TAFA1: variants seen among roughly 807,000 people sequenced by gnomAD.
The protein encoded by TAFA1 is TAFA chemokine like family member 1.
In TAFA1, 4 loss-of-function variants were observed where a neutral mutation model predicts 18.5. The ratio of observed to expected loss-of-function variants is 0.22; its 90% CI spans 0.11 to 0.49. The LOEUF is 0.49. Among genes scored for constraint, TAFA1 ranks in the 20% least tolerant of loss-of-function variants. The pLI is 0.98. For missense variants in TAFA1, 147 were observed against 169.0 expected (o/e 0.87, Z 0.72); for synonymous variants, 56 against 55.2 (o/e 1.01, Z -0.06).
chr3:68,197,393 G>T (rs981321114), intron 2 of TAFA1, among the ~76,000 whole-genome samples: 1 of 151,590 alleles, frequency 6.6e-6, no homozygotes. Flanking sequence ...GTATCTTTTA[G>T]AATTACTTGA....
intron 2 of TAFA1, among the ~76,000 whole-genome samples, chr3:68,151,489 C>T (rs1284626743): frequency 6.6e-6 from 1 of 152,112 alleles, no homozygotes; most frequent in Non-Finnish European, 1.5e-5. Flanking sequence ...ATTTCTTGCT[C>T]ACAGTTCTGG....
chr3:68,469,393 G>A (rs1392418828), intron 3 of TAFA1, among the ~76,000 whole-genome samples: 1 of 152,072 alleles, frequency 6.6e-6, no homozygotes, highest in Admixed American at 6.6e-5. Context: ...AGTCAGAGAG[G>A]GCCGGGCGCA....
chr3:68,424,044 G>T (rs1435260980), intron 3 of TAFA1, among the ~76,000 whole-genome samples: 2 of 152,028 alleles, frequency 1.3e-5, no homozygotes, highest in Non-Finnish European at 2.9e-5. Context: ...TTTCACGGCA[G>T]TGAAAACCCA....
intron 2 of TAFA1, among the ~76,000 whole-genome samples, chr3:68,171,479 A>T (rs1231377650): frequency 6.6e-6 from 1 of 152,200 alleles, no homozygotes; most frequent in Non-Finnish European, 1.5e-5. Flanking sequence ...ACAGCAATAG[A>T]AATGTAATAA....
intron 2 of TAFA1, among the ~76,000 whole-genome samples, chr3:68,114,809 C>G (rs2065306470): frequency 6.6e-6 from 1 of 152,028 alleles, no homozygotes; most frequent in South Asian, 2.1e-4. Context: ...CTTAAATGTC[C>G]ATCAATTGTA....
chr3:68,186,059 T>C (rs2066266615), intron 2 of TAFA1, among the ~76,000 whole-genome samples: 1 of 152,088 alleles, frequency 6.6e-6, no homozygotes, highest in Non-Finnish European at 1.5e-5. Context: ...TCCTCCACCC[T>C]ACTAGCAACA....
At chr3:68,085,588 T>A (rs923708157) in intron 2 of TAFA1, among the ~76,000 whole-genome samples, 9 of 152,208 alleles carry the variant, frequency 5.9e-5, no homozygotes, top group African/African-American at 1.9e-4. Flanking sequence ...TCACTCCTGA[T>A]CTTCATAAGA....
At chr3:68,315,142 G>T (rs1160618480) in intron 2 of TAFA1, among the ~76,000 whole-genome samples, 1 of 152,110 alleles carries the variant, frequency 6.6e-6, no homozygotes, top group East Asian at 1.9e-4. Context: ...CTTCCTGGAA[G>T]AGAGAATGCC....
chr3:68,370,472 GTATATATATATA>G (rs749877780), intron 2 of TAFA1, among the ~76,000 whole-genome samples: 55 of 33,024 alleles, frequency 1.7e-3, no homozygotes, highest in African/African-American at 5.0e-3. Flanking sequence ...GTGTGTGTGT[GTATATATATATA>G]TATATATATA....
At chr3:68,381,614 T>C (rs903745104) in intron 2 of TAFA1, among the ~76,000 whole-genome samples, 1 of 152,220 alleles carries the variant, frequency 6.6e-6, no homozygotes, top group Non-Finnish European at 1.5e-5. Context: ...TTTTGTACAT[T>C]GATTTTGTAT....
chr3:68,024,011 G>T (rs558884584), intron 2 of TAFA1, among the ~76,000 whole-genome samples: 1 of 152,188 alleles, frequency 6.6e-6, no homozygotes, highest in East Asian at 1.9e-4. Context: ...GTTTTAAGAA[G>T]AATTGCCACC....
chr3:68,285,631 G>T (rs1177438630), intron 2 of TAFA1, among the ~76,000 whole-genome samples: 1 of 152,126 alleles, frequency 6.6e-6, no homozygotes, highest in African/African-American at 2.4e-5. Context: ...TATGTGGCAT[G>T]AGAAAGGGGA....
intron 3 of TAFA1, among the ~76,000 whole-genome samples, chr3:68,449,598 C>CA (rs1268845310): frequency 3.3e-5 from 5 of 152,028 alleles, no homozygotes; most frequent in South Asian, 2.1e-4. Flanking sequence ...ACCCTCTCTC[C>CA]AAAAAAACAC....
intron 2 of TAFA1, among the ~76,000 whole-genome samples, chr3:68,204,946 A>G (rs530329734): frequency 3.9e-5 from 6 of 151,944 alleles, no homozygotes. Flanking sequence ...ATCAAGCATA[A>G]CTATTCCCAT....
At chr3:68,512,003 A>T (rs1237256825) in intron 3 of TAFA1, among the ~76,000 whole-genome samples, 1 of 151,956 alleles carries the variant, frequency 6.6e-6, no homozygotes, top group Non-Finnish European at 1.5e-5. Flanking sequence ...TACCTCAACA[A>T]CCCTATGAGA....
intron 2 of TAFA1, among the ~76,000 whole-genome samples, chr3:68,214,892 G>T (rs1024378931): frequency 3.9e-5 from 6 of 151,940 alleles, no homozygotes; most frequent in African/African-American, 1.4e-4. Flanking sequence ...CCCACTGAGT[G>T]AGTGGGGAGT....
intron 2 of TAFA1, among the ~76,000 whole-genome samples, chr3:68,249,358 C>T (rs1050866068): frequency 2.0e-5 from 3 of 152,128 alleles, no homozygotes; most frequent in Non-Finnish European, 4.4e-5. Context: ...ACTAGCTCAG[C>T]AATTCTACTT....
intron 2 of TAFA1, among the ~76,000 whole-genome samples, chr3:68,238,208 C>T (rs1427091710): frequency 6.6e-6 from 1 of 152,092 alleles, no homozygotes; most frequent in Non-Finnish European, 1.5e-5. Flanking sequence ...GTACAAGTGT[C>T]CAAGAGGTGG....
At position 68,475,846 on chromosome 3, in the gene TAFA1, G is replaced by A. The variant is rs1012489705; in HGVS notation, c.259+58426G>A. On this transcript the variant is annotated intron_variant, in intron 3 of 4. Coordinates refer to ENST00000478136, the MANE Select transcript of TAFA1 (RefSeq NM_213609.4). The stretch of plus-strand genomic sequence containing the variant: ...GTTGTTTCCTGACTTTTTAATGATC[G>A]CCATTCTAACTGGTGTGAGATGGTA... Among the ~76,000 whole-genome samples the A allele has an allele frequency of 1.6e-4, 24 of 152,128 alleles. No homozygotes were observed. In the East Asian group the frequency reaches 2.5e-3, roughly 16 times the overall value.
Sources: allele counts gnomAD v4.1 joint callset (sites outside exome capture counted in the v4.1 genomes callset), GRCh38; gene constraint gnomAD v4.1.1; transcripts MANE v1.5; gene names NCBI Gene and HGNC (gene_info 2026-07-23, HGNC 2026-07-21).